CROCC2: variants seen among roughly 807,000 people sequenced by gnomAD.
The protein encoded by CROCC2 is ciliary rootlet coiled-coil, rootletin family member 2.
CROCC2 carries 163 observed loss-of-function variants against 177.6 expected under a neutral mutation model. The observed-to-expected ratio is 0.92, with a 90% confidence interval of 0.81 to 1.05. The LOEUF is 1.05. Among genes scored for constraint, CROCC2 ranks in the 50% least tolerant of loss-of-function variants. The probability of loss-of-function intolerance (pLI) is 0.00; values close to 1 mark genes in which losing one functional copy is unlikely to be tolerated. For missense variants in CROCC2, 1,929 were observed against 1,797.8 expected (o/e 1.07, Z -1.32); for synonymous variants, 904 against 787.3 (o/e 1.15, Z -2.48).
At chr2:240,974,202 T>C (rs2059743144) in intron 27 of CROCC2, among the ~76,000 whole-genome samples, 1 of 152,242 alleles carries the variant, frequency 6.6e-6, no homozygotes, top group African/African-American at 2.4e-5. Context: ...GTTGGAGATT[T>C]GTTTCTTTCC....
rs1379123199 is a variant in CROCC2 at position 240,916,505 on chromosome 2, G to T, written c.79-2221G>T. 4.1e-5 allele frequency among the ~76,000 whole-genome samples: 3 copies of T among 72,470 alleles called. 1 individual carries two copies. The highest frequency in any genetic ancestry group is 1.6e-4 in the African/African-American group (3 of 19,178). 47.5% of individuals were successfully genotyped at this position (72,470 alleles called of 152,430 possible). ...CGCCCCCGCGCCCCCTGCGCTCCCCGCTCCCCCCGTGTCCCCCTGAACGCC... is the reference window on the plus strand; with the variant it reads ...CGCCCCCGCGCCCCCTGCGCTCCCCTCTCCCCCCGTGTCCCCCTGAACGCC... On this transcript the variant is annotated intron_variant, in intron 1 of 31. Coordinates refer to ENST00000690015, the MANE Select transcript of CROCC2 (RefSeq NM_001351305.2).
intron 1 of CROCC2, among the ~76,000 whole-genome samples, chr2:240,913,028 G>A (rs1459522651): frequency 6.6e-6 from 1 of 152,130 alleles, no homozygotes; most frequent in Non-Finnish European, 1.5e-5. Context: ...AATCTCCCAG[G>A]CCACATCCAG....
chr2:240,950,667 C>T (rs2059549368), intron 18 of CROCC2, 157 bp downstream of exon 18: 1 of 688,630 alleles, frequency 1.5e-6, no homozygotes, highest in African/African-American at 1.8e-5. Flanking sequence ...GTCCACTCAC[C>T]CACCCACCTA....
intron 14 of CROCC2, among the ~76,000 whole-genome samples, chr2:240,944,158 C>T (rs2059509980): frequency 6.6e-6 from 1 of 152,144 alleles, no homozygotes; most frequent in Non-Finnish European, 1.5e-5. Context: ...ATCTTCTGGC[C>T]TTCATTGTTG....
At chr2:240,971,732 C>T (rs1319493258) in intron 27 of CROCC2, among the ~76,000 whole-genome samples, 1 of 152,108 alleles carries the variant, frequency 6.6e-6, no homozygotes, top group Non-Finnish European at 1.5e-5. Context: ...TCTCCTTCTC[C>T]CTCTTCTCTG....
intron 3 of CROCC2, 39 bp downstream of exon 3, chr2:240,920,173 G>T: frequency 1.6e-6 from 1 of 618,398 alleles, no homozygotes; most frequent in South Asian, 1.9e-5. Flanking sequence ...GCGGGAGGTG[G>T]CAGCCTGGCC....
intron 19 of CROCC2, chr2:240,959,083 C>G: frequency 1.8e-6 from 1 of 543,602 alleles, no homozygotes; most frequent in Admixed American, 3.3e-5. Context: ...TCACACATCA[C>G]AGCTGTCAGG....
At chr2:240,922,921 G>A (rs1345229425) in intron 4 of CROCC2, among the ~76,000 whole-genome samples, 1 of 152,120 alleles carries the variant, frequency 6.6e-6, no homozygotes, top group African/African-American at 2.4e-5. Flanking sequence ...CCCAGGCCGA[G>A]TGGAAACAGT....
intron 14 of CROCC2, 35 bp downstream of exon 14, chr2:240,935,623 G>A: frequency 2.2e-6 from 3 of 1,363,338 alleles, no homozygotes; most frequent in Non-Finnish European, 2.8e-6. Flanking sequence ...GCCGCCGTCT[G>A]GGATGCGGCT....
intron 31 of CROCC2, among the ~76,000 whole-genome samples, chr2:240,991,871 C>T (rs2059881938): frequency 6.6e-6 from 1 of 152,238 alleles, no homozygotes; most frequent in Admixed American, 6.5e-5. Context: ...AACATAATGT[C>T]CTGCAAGGCC....
At chr2:240,940,341 G>A (rs2059488862) in intron 14 of CROCC2, among the ~76,000 whole-genome samples, 1 of 152,004 alleles carries the variant, frequency 6.6e-6, no homozygotes, top group Non-Finnish European at 1.5e-5. Context: ...CTTATCTCTA[G>A]CAATACTCTT....
intron 4 of CROCC2, among the ~76,000 whole-genome samples, 153 bp from the exon 5 acceptor site, chr2:240,925,571 G>T (rs2059390692): frequency 6.6e-6 from 1 of 152,202 alleles, no homozygotes; most frequent in Non-Finnish European, 1.5e-5. Context: ...CCCATGGCAG[G>T]TGGGGGCAGA....
At chr2:240,909,448 G>A (rs34752570) in intron 1 of CROCC2, among the ~76,000 whole-genome samples, 60,832 of 152,052 alleles carry the variant, frequency 0.4, 12,985 homozygotes, top group Admixed American at 0.46. Flanking sequence ...GAGCAGGGCT[G>A]GTGAATGGAG....
At chr2:240,913,060 G>A in intron 1 of CROCC2, among the ~76,000 whole-genome samples, 1 of 152,188 alleles carries the variant, frequency 6.6e-6, no homozygotes, top group East Asian at 1.9e-4. Context: ...CACAGCCAGG[G>A]CCACTGTGCT....
intron 26 of CROCC2, chr2:240,967,677 G>T: frequency 2.7e-6 from 2 of 739,010 alleles, no homozygotes; most frequent in Non-Finnish European, 3.3e-6. Context: ...GCACAGAGGA[G>T]TGACGTCCAC....
At chr2:240,948,014 C>T (rs1048305515) in intron 15 of CROCC2, among the ~76,000 whole-genome samples, 1 of 152,170 alleles carries the variant, frequency 6.6e-6, no homozygotes, top group African/African-American at 2.4e-5. Flanking sequence ...GAGGCCACAT[C>T]CCTTACAGGA....
At chr2:240,966,130 A>C in intron 24 of CROCC2, 95 bp from the exon 25 acceptor site, 2 of 1,253,960 alleles carry the variant, frequency 1.6e-6, no homozygotes, top group Non-Finnish European at 2.0e-6. Flanking sequence ...CGTCTCCCCA[A>C]CCTCCCATGG....
intron 14 of CROCC2, among the ~76,000 whole-genome samples, chr2:240,940,433 G>T (rs1187486742): frequency 6.6e-6 from 1 of 151,884 alleles, no homozygotes; most frequent in Non-Finnish European, 1.5e-5. Flanking sequence ...TGTTTCCGTG[G>T]TATATCCTTT....
rs1442754234 is a variant in CROCC2, at chr2:240,933,284, C to T, written c.1405C>T (p.Leu469=). The T allele has an allele frequency of 1.3e-6, 2 of 1,546,096 alleles. No homozygotes were observed. Reference sequence around the variant, plus strand: ...GGAACGAGAGGCTCTTCGGGGCCAGCTGGAGGCCCAGAGGCTCGAGGTGCA... The same window carrying T: ...GGAACGAGAGGCTCTTCGGGGCCAGTTGGAGGCCCAGAGGCTCGAGGTGCA... ...AREREALRGQ[L]EAQRLEVQQC... is the part of the protein sequence containing the mutation. Residue 469 remains leucine (L), a synonymous_variant, in exon 10 of 32, where the codon CTG becomes TTG. Transcript: ENST00000690015.
Sources: allele counts gnomAD v4.1 joint callset (sites outside exome capture counted in the v4.1 genomes callset), GRCh38; gene constraint gnomAD v4.1.1; transcripts MANE v1.5; gene names NCBI Gene and HGNC (gene_info 2026-07-23, HGNC 2026-07-21).